The following PLAAT3 variants were observed in gnomAD, a reference collection of about 807,000 sequenced individuals.
The protein encoded by PLAAT3 is Ca-independent phospholipase A1/2.
A neutral mutation model predicts 16.7 loss-of-function variants in PLAAT3; 21 were observed. The observed-to-expected ratio is 1.26, with a 90% CI of 0.89 to 1.81. The LOEUF (loss-of-function observed/expected upper bound fraction) is 1.81, where lower values mean the gene tolerates loss of function less well. PLAAT3 is among the 40% of genes most tolerant of loss of function. PLAAT3 has a pLI of 0.00. For synonymous variants in PLAAT3, 76 were observed against 81.7 expected, an observed-to-expected ratio of 0.93 and a Z score of 0.38; for missense variants, 219 against 213.7, an observed-to-expected ratio of 1.02 and a Z score of -0.16.
chr11:63,580,088 G>A (rs1937763014), intron 4 of PLAAT3, among the ~76,000 whole-genome samples: 1 of 152,108 alleles, frequency 6.6e-6, no homozygotes, highest in Non-Finnish European at 1.5e-5. Flanking sequence ...AAAAACAGGG[G>A]AGTAAATGGA....
At chr11:63,593,926 G>A (rs1938216800) in intron 3 of PLAAT3, among the ~76,000 whole-genome samples, 1 of 152,150 alleles carries the variant, frequency 6.6e-6, no homozygotes. Context: ...CATGAATGAG[G>A]AACTGGCCGT....
At chr11:63,584,790 G>A (rs376466362) in intron 4 of PLAAT3, among the ~76,000 whole-genome samples, 98 of 151,764 alleles carry the variant, frequency 6.5e-4, no homozygotes, top group African/African-American at 2.2e-3. Context: ...GATTACAGGC[G>A]TGAGCCACCG....
At chr11:63,593,219 A>G (rs1286391447) in intron 3 of PLAAT3, among the ~76,000 whole-genome samples, 1 of 152,192 alleles carries the variant, frequency 6.6e-6, no homozygotes, top group Non-Finnish European at 1.5e-5. Context: ...TACACAAAAT[A>G]AGATACTTGC....
chr11:63,590,150 A>G lies in PLAAT3; in HGVS notation c.337T>C (p.Cys113Arg), dbSNP rs1350421552. 6.2e-7 allele frequency: 1 copy of G among 1,614,220 alleles called. No homozygotes were observed. Among genetic ancestry groups the G allele is most frequent in the Admixed American group, 1.7e-5 (1 of 60,028 alleles). ...EVLYKLTSEN[C>R]EHFVNELRYG... ...CGCAGCTCATTCACAAAGTGCTCGC[A>G]GTTCTCACTGGTCAGCTTGTAGAGC... Residue 113 changes from cysteine (C) to arginine (R), a missense_variant, in exon 4 of 5, where the codon TGC (cysteine) becomes CGC (arginine). Cys to Arg is a radical substitution (Grantham distance 180). Transcript: ENST00000415826.
At chr11:63,615,152 A>ATATATGTG (rs1938819493), upstream of PLAAT3, among the ~76,000 whole-genome samples, 3 of 25,914 alleles carry the variant, frequency 1.2e-4, 1 homozygote, top group Admixed American at 1.8e-3. Context: ...ATATGTGTGT[A>ATATATGTG]TATATGTGTA....
intron 2 of PLAAT3, chr11:63,598,703 C>G (rs141648321): frequency 0.016 from 8,396 of 518,212 alleles, 826 homozygotes; most frequent in Admixed American, 0.16. Flanking sequence ...GAGCTGCCCA[C>G]CTGGGGTCCA....
chr11:63,609,145 C>T (rs1013023845), intron 2 of PLAAT3, among the ~76,000 whole-genome samples: 7 of 152,210 alleles, frequency 4.6e-5, no homozygotes, highest in Non-Finnish European at 8.8e-5. Flanking sequence ...GAAACGAATT[C>T]TCCATGTCCC....
intron 3 of PLAAT3, among the ~76,000 whole-genome samples, chr11:63,593,888 A>G (rs182238019): frequency 6.6e-6 from 1 of 152,172 alleles, no homozygotes; most frequent in Non-Finnish European, 1.5e-5. Context: ...CCCTTGATTT[A>G]CGCTTTCAAA....
chr11:63,601,421 C>CTT (rs1938426029), intron 2 of PLAAT3, among the ~76,000 whole-genome samples: 2 of 150,150 alleles, frequency 1.3e-5, no homozygotes, highest in Admixed American at 1.3e-4. Flanking sequence ...GACATTCAGC[C>CTT]AATCTGCCTA....
intron 3 of PLAAT3, among the ~76,000 whole-genome samples, chr11:63,595,775 G>A (rs1303978503): frequency 6.6e-6 from 1 of 152,108 alleles, no homozygotes; most frequent in Admixed American, 6.5e-5. Flanking sequence ...CCCAGTTTAA[G>A]TTAAAGGCTT....
chr11:63,615,086 A>ATATGTGTATATATG (rs1565259636), upstream of PLAAT3, among the ~76,000 whole-genome samples: 1 of 20,192 alleles, frequency 5.0e-5, no homozygotes, highest in African/African-American at 8.4e-5. Context: ...GTGTGTATAT[A>ATATGTGTATATATG]TGTGTATATA....
Position 63,594,846 on chromosome 11 carries a change from G to C in PLAAT3, c.118+3215C>G, listed in dbSNP as rs542554731. Among the ~76,000 whole-genome samples, 14 of 151,662 alleles carry C rather than the reference G, an allele frequency of 9.2e-5. No homozygotes were observed. In the South Asian group the frequency reaches 2.9e-3, roughly 32 times the overall value. On this transcript the variant is annotated intron_variant, in intron 3 of 4. Coordinates refer to ENST00000415826, the MANE Select transcript of PLAAT3 (RefSeq NM_001128203.2). ...GGGAGAAGATGACAATACAGAAGGAGGTGGGGAATTTGAGGAGCAAAGTGC... is the reference window on the plus strand; with the variant it reads ...GGGAGAAGATGACAATACAGAAGGACGTGGGGAATTTGAGGAGCAAAGTGC...
chr11:63,605,498 A>G (rs1417455815), intron 2 of PLAAT3, among the ~76,000 whole-genome samples: 2 of 152,164 alleles, frequency 1.3e-5, no homozygotes, highest in South Asian at 4.1e-4. Context: ...CTTCATCACA[A>G]ACATGTCCAT....
At chr11:63,577,809 C>G (rs371579151) in intron 4 of PLAAT3, among the ~76,000 whole-genome samples, 15 of 151,614 alleles carry the variant, frequency 9.9e-5, no homozygotes, top group African/African-American at 3.4e-4. Context: ...TAAATAAGAA[C>G]GTGGTACTAT....
intron 4 of PLAAT3, among the ~76,000 whole-genome samples, chr11:63,576,855 G>C (rs1408834676): frequency 6.6e-6 from 1 of 152,102 alleles, no homozygotes; most frequent in Admixed American, 6.6e-5. Flanking sequence ...AAAAACCAAA[G>C]TGATAAAATA....
At chr11:63,580,610 C>T (rs150331677) in intron 4 of PLAAT3, among the ~76,000 whole-genome samples, 2,060 of 152,172 alleles carry the variant, frequency 0.014, 49 homozygotes, top group African/African-American at 0.046. Flanking sequence ...GCTGAGATCA[C>T]GCCACTGCAC....
intron 4 of PLAAT3, among the ~76,000 whole-genome samples, chr11:63,581,106 G>A (rs528763439): frequency 1.3e-5 from 2 of 152,198 alleles, no homozygotes; most frequent in South Asian, 2.1e-4. Context: ...GAGAATGTAC[G>A]TCACCTCAGG....
rs550052727 is a variant in PLAAT3, at chr11:63,582,747, A to G, written c.387+7353T>C. Among the ~76,000 whole-genome samples, 3 of 152,308 alleles carry G rather than the reference A, an allele frequency of 2.0e-5. No individual in the cohort carries two copies. In the South Asian group the frequency reaches 6.2e-4, roughly 32 times the overall value. The stretch of plus-strand genomic sequence containing the variant: ...GTGTTTCCTGACATTAAACACATTT[A>G]TGGCCCAGATAAGCCTCAGTAGCAT... On this transcript the variant is annotated intron_variant, in intron 4 of 4. Coordinates refer to ENST00000415826, the MANE Select transcript of PLAAT3 (RefSeq NM_001128203.2).
At chr11:63,596,058 A>G (rs1938278763) in intron 3 of PLAAT3, among the ~76,000 whole-genome samples, 1 of 151,722 alleles carries the variant, frequency 6.6e-6, no homozygotes, top group Admixed American at 6.6e-5. Flanking sequence ...TGGCTAACAC[A>G]GTGAAACCCC....
Sources: gnomAD v4.1 joint callset for allele counts (sites outside exome capture counted in the v4.1 genomes callset) on GRCh38, gnomAD v4.1.1 for gene constraint, MANE v1.5 for transcripts, NCBI Gene and HGNC (gene_info 2026-07-23, HGNC 2026-07-21) for gene names.